NSD1: variants seen among roughly 807,000 people sequenced by gnomAD.
NSD1 encodes nuclear receptor binding SET domain protein 1, also known as histone-lysine N-methyltransferase, H3 lysine-36 specific.
Under a neutral mutation model 242.7 loss-of-function variants are expected in NSD1, and 26 were observed. The ratio of observed to expected loss-of-function variants is 0.11; its 90% CI spans 0.08 to 0.15. The LOEUF (loss-of-function observed/expected upper bound fraction) is 0.15, where lower values mean the gene tolerates loss of function less well. NSD1 is among the 10% of genes least tolerant of loss of function. NSD1 has a pLI of 1.00. For synonymous variants in NSD1, 1,106 were observed against 1,178.1 expected, an observed-to-expected ratio of 0.94 and a Z score of 1.25; for missense variants, 2,495 against 3,272.8, an observed-to-expected ratio of 0.76 and a Z score of 5.80.
intron 5 of NSD1, among the ~76,000 whole-genome samples, chr5:177,228,082 G>A (rs1764773736): frequency 6.6e-6 from 1 of 151,796 alleles, no homozygotes; most frequent in Non-Finnish European, 1.5e-5. Flanking sequence ...ACTCTGTACA[G>A]TAGTCTCCCT....
At chr5:177,155,713 G>T (rs1195395036) in intron 2 of NSD1, among the ~76,000 whole-genome samples, 1 of 151,778 alleles carries the variant, frequency 6.6e-6, no homozygotes, top group Non-Finnish European at 1.5e-5. Context: ...TGAGACCAGA[G>T]TCTCACTCTG....
In NSD1 at chr5:177,269,037, A is replaced by G. The variant is rs1166263958; in HGVS notation, c.5304-565A>G. ...GGGCATTCTCTGGAGTAAAGTAGGTAGATAGAGGTTTCCAGCTTTAATAGG... is the reference window on the plus strand; with the variant it reads ...GGGCATTCTCTGGAGTAAAGTAGGTGGATAGAGGTTTCCAGCTTTAATAGG... On this transcript the variant is annotated intron_variant, in intron 15 of 22. Coordinates refer to ENST00000439151, the MANE Select transcript of NSD1 (RefSeq NM_022455.5). This position sits in a 1 kb window ranked among gnomAD's most constrained non-coding sequence, Gnocchi z 5.1. Among the ~76,000 whole-genome samples the G allele has an allele frequency of 1.3e-5, 2 of 152,142 alleles. No homozygotes were observed. Among genetic ancestry groups the G allele is most frequent in the Non-Finnish European group, 2.9e-5 (2 of 68,030 alleles).
intron 16 of NSD1, among the ~76,000 whole-genome samples, chr5:177,271,514 C>T (rs1274963709): frequency 6.6e-6 from 1 of 152,108 alleles, no homozygotes; most frequent in African/African-American, 2.4e-5. Flanking sequence ...GTTTCTGACT[C>T]TTATAGTAGG....
At position 177,136,834 on chromosome 5, in the gene NSD1, CCTAA is replaced by C. The variant is rs1203874079; in HGVS notation, c.927+809_927+812del. 1.9e-5 allele frequency: 12 copies of C among 627,924 alleles called. 1 individual carries two copies. The highest frequency in any genetic ancestry group is 3.5e-5 in the South Asian group (2 of 57,108). The allele number at this position is 627,924 out of a possible 1,614,324, so 38.9% of individuals were successfully genotyped here. On this transcript the variant is annotated intron_variant, in intron 2 of 22. Transcript: ENST00000439151. ...TTATTTTATTTTATTTTAACAGAACCCTAACTAAGACAAAGTTTTATATTTATTT... is the reference window on the plus strand; with the variant it reads ...TTATTTTATTTTATTTTAACAGAACCCTAAGACAAAGTTTTATATTTATTT...
At chr5:177,274,177 A>G (rs35466044) in intron 17 of NSD1, among the ~76,000 whole-genome samples, 1 of 152,168 alleles carries the variant, frequency 6.6e-6, no homozygotes, top group African/African-American at 2.4e-5. Context: ...AAAAAAAGAA[A>G]CAAGTACCAG....
Position 177,267,734 on chromosome 5 carries a change from A to G in NSD1, c.5303+16A>G. ...GACGATACAGGTAAGCCTGAAGAAT[A>G]GCACTCATCTCTTTTACCATCCTCT... On this transcript the variant is annotated intron_variant, in intron 15 of 22. Coordinates refer to ENST00000439151, the MANE Select transcript of NSD1 (RefSeq NM_022455.5). 1.2e-6 allele frequency: 2 copies of G among 1,612,560 alleles called. No individual in the cohort carries two copies. Among genetic ancestry groups the G allele is most frequent in the Non-Finnish European group, 1.7e-6 (2 of 1,178,922 alleles).
Position 177,294,479 on chromosome 5 carries a change from A to G in NSD1, c.7111A>G (p.Arg2371Gly), listed in dbSNP as rs1214280655. 6.2e-7 allele frequency: 1 copy of G among 1,614,102 alleles called. No individual in the cohort carries two copies. The highest frequency in any genetic ancestry group is 2.2e-5 in the East Asian group (1 of 44,898). The part of the protein sequence containing the change: ...LDKSIGAASP[R>G]PQSLEKTSVP... Reference sequence around the variant, plus strand: ...TAAATCCATAGGTGCTGCCAGCCCAAGGCCCCAGTCACTGGAGAAAACCTC... The same window carrying G: ...TAAATCCATAGGTGCTGCCAGCCCAGGGCCCCAGTCACTGGAGAAAACCTC... Residue 2371 changes from arginine to glycine, a missense_variant, in exon 23 of 23, where the codon AGG (arginine) becomes GGG (glycine). Transcript: ENST00000439151.
chr5:177,190,411 C>G (rs576483008), intron 2 of NSD1, among the ~76,000 whole-genome samples: 1 of 152,238 alleles, frequency 6.6e-6, no homozygotes, highest in African/African-American at 2.4e-5. Flanking sequence ...TCCCGAGTAG[C>G]TGGGATTACC....
chr5:177,274,374 A>G (rs1270074585), intron 17 of NSD1, among the ~76,000 whole-genome samples: 1 of 152,214 alleles, frequency 6.6e-6, no homozygotes, highest in East Asian at 1.9e-4. Context: ...ATAAAGAGAC[A>G]GTGGAGAACA....
chr5:177,262,295 C>T (rs1289048339), intron 14 of NSD1, among the ~76,000 whole-genome samples: 2 of 152,048 alleles, frequency 1.3e-5, no homozygotes, highest in African/African-American at 4.8e-5. Context: ...TTTTTCTTTC[C>T]TCTTTCTTAA....
At chr5:177,267,469 G>T in intron 14 of NSD1, 93 bp from the exon 15 acceptor site, 1 of 1,070,214 alleles carries the variant, frequency 9.3e-7, no homozygotes. Flanking sequence ...TTTTAGTGAA[G>T]AGAAAGAAAA....
chr5:177,265,597 G>A (rs927616816), intron 14 of NSD1: 7 of 1,352,110 alleles, frequency 5.2e-6, no homozygotes, highest in Non-Finnish European at 7.4e-6. Flanking sequence ...CTGTGGAGCA[G>A]GACAGGTCGC....
chr5:177,250,500 C>G (rs1047950598), intron 11 of NSD1, among the ~76,000 whole-genome samples: 1 of 151,168 alleles, frequency 6.6e-6, no homozygotes, highest in Non-Finnish European at 1.5e-5. Context: ...TTAGTTAATG[C>G]AAAAACTTTA....
intron 2 of NSD1, among the ~76,000 whole-genome samples, chr5:177,159,075 C>G (rs1054820584): frequency 7.3e-6 from 1 of 136,666 alleles, no homozygotes; most frequent in African/African-American, 3.4e-5. Context: ...TGGAGTCTCA[C>G]TCTGTCACCC....
intron 17 of NSD1, among the ~76,000 whole-genome samples, chr5:177,279,747 G>A (rs1462508090): frequency 1.4e-5 from 2 of 145,180 alleles, no homozygotes; most frequent in Non-Finnish European, 3.0e-5. Context: ...CTCCTGAGTA[G>A]CTGGGACTAC....
At position 177,296,170 on chromosome 5, in the gene NSD1, G is replaced by A. The variant is rs766955389; in HGVS notation, c.*711G>A. ...AGAGGTCTCCTCTATAGATGCAAGGGTGCTGCATTGAGGCCAGCAAGGCTG... is the reference window on the plus strand; with the variant it reads ...AGAGGTCTCCTCTATAGATGCAAGGATGCTGCATTGAGGCCAGCAAGGCTG... On this transcript the variant is annotated 3_prime_UTR_variant, in exon 23 of 23. Transcript: ENST00000439151. The A allele has an allele frequency of 8.4e-6, 2 of 238,918 alleles. No homozygotes were observed. The highest frequency in any genetic ancestry group is 1.1e-4 in the Admixed American group (2 of 18,940). The allele number at this position is 238,918 out of a possible 1,614,324, so 14.8% of individuals were successfully genotyped here.
chr5:177,293,623 G>C (rs773274031), intron 22 of NSD1, among the ~76,000 whole-genome samples: 1 of 133,410 alleles, frequency 7.5e-6, no homozygotes, highest in Non-Finnish European at 1.5e-5. Context: ...GTTGCTATTT[G>C]ATAATTCGCT....
chr5:177,157,090 G>A (rs1333886225), intron 2 of NSD1, among the ~76,000 whole-genome samples: 3 of 152,032 alleles, frequency 2.0e-5, no homozygotes, highest in East Asian at 1.9e-4. Flanking sequence ...AGTATAGGCC[G>A]GGTACGGTGG....
chr5:177,143,183 AC>A (rs1562109697), intron 2 of NSD1, among the ~76,000 whole-genome samples: 2 of 152,090 alleles, frequency 1.3e-5, no homozygotes, highest in East Asian at 3.9e-4. Context: ...AATTACTAAA[AC>A]TTTACAGGTT....
Sources: allele counts gnomAD v4.1 joint callset (sites outside exome capture counted in the v4.1 genomes callset), GRCh38; gene constraint gnomAD v4.1.1; non-coding constraint Gnocchi (gnomAD v3.1); transcripts MANE v1.5; gene names NCBI Gene and HGNC (gene_info 2026-07-23, HGNC 2026-07-21).